GTF2F2: variants seen among roughly 807,000 people sequenced by gnomAD.
GTF2F2 encodes ATP-dependent helicase GTF2F2.
GTF2F2 carries 23 observed loss-of-function variants against 42.2 expected under a neutral mutation model. That is an observed-to-expected ratio of 0.55 (90% CI 0.39 to 0.77). The LOEUF is 0.77. GTF2F2 is among the 30% of genes least tolerant of loss of function. GTF2F2 has a pLI of 0.00. For missense variants in GTF2F2, 261 were observed against 287.2 expected, an observed-to-expected ratio of 0.91 and a Z score of 0.66; for synonymous variants, 105 against 100.8, an observed-to-expected ratio of 1.04 and a Z score of -0.25.
chr13:45,243,223 G>A (rs1420027951), intron 5 of GTF2F2, among the ~76,000 whole-genome samples: 1 of 152,036 alleles, frequency 6.6e-6, no homozygotes, highest in Non-Finnish European at 1.5e-5. Flanking sequence ...TTAAATCAGG[G>A]GTTCCTCAAC....
Position 45,146,105 on chromosome 13 carries a change from C to T in GTF2F2, c.141-3665C>T, listed in dbSNP as rs1870181353. 2.0e-5 allele frequency among the ~76,000 whole-genome samples: 3 copies of T among 152,144 alleles called. No individual in the cohort carries two copies. In the South Asian group the frequency reaches 6.2e-4, roughly 32 times the overall value. On this transcript the variant is annotated intron_variant, in intron 2 of 7. Coordinates refer to ENST00000340473, the MANE Select transcript of GTF2F2 (RefSeq NM_004128.3). ...CTCTTCACCCCATTTGGACTATGAC[C>T]ATCCTATCCAACCCACTCTGAAGAA...
intron 4 of GTF2F2, chr13:45,194,639 G>C: frequency 7.4e-7 from 1 of 1,347,538 alleles, no homozygotes; most frequent in Admixed American, 2.0e-5. Context: ...TACCACACAA[G>C]CACGCCTTTA....
intron 4 of GTF2F2, among the ~76,000 whole-genome samples, chr13:45,169,447 C>T (rs1208762794): frequency 6.6e-6 from 1 of 152,190 alleles, no homozygotes; most frequent in Non-Finnish European, 1.5e-5. Flanking sequence ...GCCCCCAGTA[C>T]TATGAGAAAA....
At chr13:45,275,353 G>A (rs1390396878) in intron 7 of GTF2F2, among the ~76,000 whole-genome samples, 1 of 151,902 alleles carries the variant, frequency 6.6e-6, no homozygotes, top group Non-Finnish European at 1.5e-5. Flanking sequence ...TGCACAATGT[G>A]CAGGTTTGTT....
intron 1 of GTF2F2, 90 bp from the exon 2 acceptor site, chr13:45,136,643 A>G (rs1869638348): frequency 2.8e-6 from 2 of 703,562 alleles, no homozygotes; most frequent in Non-Finnish European, 2.5e-6. Flanking sequence ...TATTAGAGGC[A>G]GAAAATAAAA....
chr13:45,178,696 G>A (rs1424654552), intron 4 of GTF2F2, among the ~76,000 whole-genome samples: 1 of 151,926 alleles, frequency 6.6e-6, no homozygotes, highest in Admixed American at 6.6e-5. Context: ...TCTCACCCAA[G>A]CACTACAGAC....
intron 5 of GTF2F2, 94 bp downstream of exon 5, chr13:45,207,599 T>A: frequency 1.3e-6 from 1 of 741,480 alleles, no homozygotes; most frequent in Non-Finnish European, 2.3e-6. Context: ...ATTAAAACTG[T>A]GGTTATTGTT....
At chr13:45,123,706 T>C (rs1425157408) in intron 1 of GTF2F2, among the ~76,000 whole-genome samples, 2 of 150,208 alleles carry the variant, frequency 1.3e-5, no homozygotes, top group African/African-American at 2.5e-5. Context: ...AAAACAAATA[T>C]AGTAGTAGAT....
intron 4 of GTF2F2, among the ~76,000 whole-genome samples, chr13:45,167,912 T>A (rs1593466878): frequency 1.3e-5 from 2 of 152,190 alleles, no homozygotes; most frequent in Admixed American, 6.5e-5. Flanking sequence ...TTGAAAGTTG[T>A]GGCATTTTCT....
intron 4 of GTF2F2, among the ~76,000 whole-genome samples, chr13:45,197,068 A>G (rs1322111162): frequency 1.3e-5 from 2 of 151,934 alleles, no homozygotes; most frequent in African/African-American, 4.8e-5. Context: ...GTTCTTCTGC[A>G]AAGTTGACAT....
intron 2 of GTF2F2, among the ~76,000 whole-genome samples, chr13:45,148,537 A>G (rs1388114764): frequency 6.6e-6 from 1 of 152,158 alleles, no homozygotes; most frequent in African/African-American, 2.4e-5. Flanking sequence ...TTTAAGGCTG[A>G]GCTCAGAGTT....
intron 7 of GTF2F2, among the ~76,000 whole-genome samples, chr13:45,267,810 A>ATTTTT (rs201281124): frequency 8.2e-6 from 1 of 121,762 alleles, no homozygotes; most frequent in African/African-American, 2.9e-5. Flanking sequence ...TTTTCTGTGG[A>ATTTTT]TTTTTTTTTT....
intron 7 of GTF2F2, among the ~76,000 whole-genome samples, chr13:45,268,118 T>C (rs1226616915): frequency 6.6e-6 from 1 of 152,148 alleles, no homozygotes; most frequent in Non-Finnish European, 1.5e-5. Context: ...TTTAACTTTC[T>C]CCACCACATG....
At chr13:45,154,225 A>G (rs760661629) in intron 4 of GTF2F2, among the ~76,000 whole-genome samples, 9 of 152,098 alleles carry the variant, frequency 5.9e-5, no homozygotes, top group Non-Finnish European at 1.0e-4. Flanking sequence ...GATTTTTTAC[A>G]TCTTATTAAG....
Position 45,260,362 on chromosome 13 carries a change from C to A in GTF2F2, c.487-6871C>A, listed in dbSNP as rs576418159. On this transcript the variant is annotated intron_variant, in intron 6 of 7. Coordinates refer to ENST00000340473, the MANE Select transcript of GTF2F2 (RefSeq NM_004128.3). Reference sequence around the variant, plus strand: ...CATGCTTTGTCCATTTGAATTTGCACACAAAGGACTGACCAATTCTAAAGA... The same window carrying A: ...CATGCTTTGTCCATTTGAATTTGCAAACAAAGGACTGACCAATTCTAAAGA... 1.1e-3 allele frequency among the ~76,000 whole-genome samples: 167 copies of A among 152,238 alleles called. 2 individuals carry two copies. Among genetic ancestry groups the A allele is most frequent in the Non-Finnish European group, 6.5e-4 (44 of 68,016 alleles).
intron 2 of GTF2F2, among the ~76,000 whole-genome samples, chr13:45,141,472 C>T (rs1387971832): frequency 6.6e-6 from 1 of 152,098 alleles, no homozygotes; most frequent in Non-Finnish European, 1.5e-5. Flanking sequence ...TAATAGTGCC[C>T]CCTTTTCCAC....
chr13:45,267,125 G>C, intron 6 of GTF2F2, 108 bp from the exon 7 acceptor site: 1 of 869,246 alleles, frequency 1.2e-6, no homozygotes, highest in Non-Finnish European at 1.7e-6. Context: ...CTCCAGCCTG[G>C]GCAACAAGAG....
At chr13:45,258,841 T>G (rs939370174) in intron 6 of GTF2F2, among the ~76,000 whole-genome samples, 2 of 152,222 alleles carry the variant, frequency 1.3e-5, no homozygotes, top group African/African-American at 4.8e-5. Flanking sequence ...TTTTAATTTT[T>G]TGCTCACAAA....
intron 5 of GTF2F2, among the ~76,000 whole-genome samples, chr13:45,224,235 T>C (rs921335701): frequency 6.6e-6 from 1 of 152,246 alleles, no homozygotes; most frequent in African/African-American, 2.4e-5. Flanking sequence ...AGTCCCCTCT[T>C]ATCAGGTATC....
Sources: allele counts gnomAD v4.1 joint callset (sites outside exome capture counted in the v4.1 genomes callset), GRCh38; gene constraint gnomAD v4.1.1; transcripts MANE v1.5; gene names NCBI Gene and HGNC (gene_info 2026-07-23, HGNC 2026-07-21).